Variants in EXOC2 observed in about 807,000 individuals in gnomAD.
EXOC2 encodes SEC5-like 1.
In EXOC2, 70 loss-of-function variants were observed where a neutral mutation model predicts 131.8. That is an observed-to-expected ratio of 0.53 (90% CI 0.44 to 0.65). The LOEUF (loss-of-function observed/expected upper bound fraction) is 0.65, where lower values mean the gene tolerates loss of function less well. EXOC2 is among the 30% of genes least tolerant of loss of function. The probability of loss-of-function intolerance (pLI) is 0.00; values close to 1 mark genes in which losing one functional copy is unlikely to be tolerated. For synonymous variants in EXOC2, 411 were observed against 398.4 expected, an observed-to-expected ratio of 1.03 and a Z score of -0.38; for missense variants, 923 against 1,108.6, an observed-to-expected ratio of 0.83 and a Z score of 2.38.
intron 22 of EXOC2, among the ~76,000 whole-genome samples, chr6:536,238 G>A (rs1347098391): frequency 2.6e-5 from 4 of 152,084 alleles, no homozygotes; most frequent in South Asian, 4.1e-4. Context: ...ACATCATTAC[G>A]TATTTAGAAA....
chr6:583,753 T>C (rs1041575660), intron 11 of EXOC2, among the ~76,000 whole-genome samples: 2 of 152,188 alleles, frequency 1.3e-5, no homozygotes, highest in African/African-American at 4.8e-5. Flanking sequence ...AAAGACAATT[T>C]TGAAAAACTC....
At chr6:683,823 T>C (rs1168153869) in intron 1 of EXOC2, among the ~76,000 whole-genome samples, 1 of 152,198 alleles carries the variant, frequency 6.6e-6, no homozygotes, top group African/African-American at 2.4e-5. Flanking sequence ...AGCAAAATAA[T>C]CACAGCACTC....
intron 7 of EXOC2, among the ~76,000 whole-genome samples, chr6:604,988 C>T (rs1396404529): frequency 6.6e-6 from 1 of 152,088 alleles, no homozygotes; most frequent in Admixed American, 6.5e-5. Flanking sequence ...ATTATCAAAC[C>T]ATCATTTGAT....
At chr6:503,186 G>A (rs1282116354) in intron 23 of EXOC2, among the ~76,000 whole-genome samples, 16 of 149,254 alleles carry the variant, frequency 1.1e-4, no homozygotes, top group South Asian at 6.3e-4. Flanking sequence ...TTTTATTACC[G>A]ATTGGGCTGA....
intron 3 of EXOC2, among the ~76,000 whole-genome samples, chr6:632,718 G>A (rs934979630): frequency 1.3e-5 from 2 of 152,108 alleles, no homozygotes; most frequent in South Asian, 2.1e-4. Context: ...GTTCTCATAC[G>A]ACCGTCATCC....
In EXOC2 at chr6:656,226, A is replaced by C. The variant is rs754347705; in HGVS notation, c.-43-18365T>G. 3 of 1,614,212 alleles carry C rather than the reference A, an allele frequency of 1.9e-6. No homozygotes were observed. The South Asian group carries it at 3.3e-5, about 18-fold the overall frequency. ...CGTAGGATGTATTTGCTGTCCCTCCAAAAACTGCAGAAGCTTCCGATTGTC... is the reference window on the plus strand; with the variant it reads ...CGTAGGATGTATTTGCTGTCCCTCCCAAAACTGCAGAAGCTTCCGATTGTC... On this transcript the variant is annotated intron_variant, in intron 1 of 27. Coordinates refer to ENST00000230449, the MANE Select transcript of EXOC2 (RefSeq NM_018303.6).
At chr6:687,126 C>A (rs1764691825) in intron 1 of EXOC2, among the ~76,000 whole-genome samples, 1 of 145,820 alleles carries the variant, frequency 6.9e-6, no homozygotes, top group African/African-American at 2.5e-5. Flanking sequence ...CCCAGAAAGA[C>A]AGATCACCTG....
chr6:682,553 A>G (rs1448920560), intron 1 of EXOC2, among the ~76,000 whole-genome samples: 1 of 151,992 alleles, frequency 6.6e-6, no homozygotes, highest in Non-Finnish European at 1.5e-5. Flanking sequence ...AACTATAACC[A>G]TCATTTATCA....
At chr6:507,522 T>C (rs1764634493) in intron 23 of EXOC2, among the ~76,000 whole-genome samples, 1 of 152,108 alleles carries the variant, frequency 6.6e-6, no homozygotes, top group Non-Finnish European at 1.5e-5. Context: ...TGAAATACAA[T>C]TGTTCAGGCA....
intron 1 of EXOC2, among the ~76,000 whole-genome samples, chr6:652,013 G>T (rs1450866911): frequency 6.7e-6 from 1 of 148,178 alleles, no homozygotes; most frequent in Non-Finnish European, 1.5e-5. Flanking sequence ...CCAAGATTAC[G>T]CCACTGCACT....
At chr6:525,786 G>C (rs1765702947) in intron 23 of EXOC2, among the ~76,000 whole-genome samples, 1 of 152,002 alleles carries the variant, frequency 6.6e-6, no homozygotes, top group Admixed American at 6.5e-5. Context: ...ATATGAAATA[G>C]ATACATTGTC....
At chr6:663,703 T>C (rs1051366679) in intron 1 of EXOC2, among the ~76,000 whole-genome samples, 2 of 152,124 alleles carry the variant, frequency 1.3e-5, no homozygotes, top group African/African-American at 2.4e-5. Context: ...ATCATCTCAA[T>C]AGACACAGAA....
intron 19 of EXOC2, 78 bp downstream of exon 19, chr6:555,876 C>T (rs1757391316): frequency 2.9e-6 from 4 of 1,389,736 alleles, no homozygotes; most frequent in Non-Finnish European, 3.0e-6. Context: ...ACGTCATCTG[C>T]AGATTATAAA....
rs1764524828 is a variant in EXOC2 at position 506,005 on chromosome 6, T to C, written c.2381-6305A>G. On this transcript the variant is annotated intron_variant, in intron 23 of 27. Transcript: ENST00000230449. The surrounding 1 kb of genome is among the most constrained non-coding windows in gnomAD (Gnocchi z 4.4). ...CAAGTCAGAATATATCTGCGTCATCTACTAAAAGTAAGTGCCTCGGCATAC... is the reference window on the plus strand; with the variant it reads ...CAAGTCAGAATATATCTGCGTCATCCACTAAAAGTAAGTGCCTCGGCATAC... Among the ~76,000 whole-genome samples the C allele has an allele frequency of 6.6e-6, 1 of 152,224 alleles. No homozygotes were observed. The highest frequency in any genetic ancestry group is 1.5e-5 in the Non-Finnish European group (1 of 68,042).
chr6:587,406 G>A (rs1380361288), intron 11 of EXOC2, among the ~76,000 whole-genome samples: 7 of 152,174 alleles, frequency 4.6e-5, no homozygotes, highest in South Asian at 2.1e-4. Flanking sequence ...CACCATGTCC[G>A]GCTAATTTTT....
At chr6:658,667 T>TTTTATATATATATATATATATATATA (rs1763269425) in intron 1 of EXOC2, among the ~76,000 whole-genome samples, 2 of 65,198 alleles carry the variant, frequency 3.1e-5, no homozygotes, top group South Asian at 5.1e-4. Flanking sequence ...ATATATATAT[T>TTTTATATATATATATATATATATATA]TTTTTTTTTT....
chr6:683,866 G>A (rs1347274831), intron 1 of EXOC2, among the ~76,000 whole-genome samples: 8 of 152,234 alleles, frequency 5.3e-5, no homozygotes, highest in African/African-American at 1.9e-4. Context: ...AGCCGTGAGG[G>A]ATTAAGCAGG....
Position 637,731 on chromosome 6 carries a change from T to C in EXOC2, c.88A>G (p.Asn30Asp), listed in dbSNP as rs1762168482. 1 of 1,613,668 alleles carries C rather than the reference T, an allele frequency of 6.2e-7. No homozygotes were observed. Among genetic ancestry groups the C allele is most frequent in the Non-Finnish European group, 8.5e-7 (1 of 1,179,824 alleles). ...PWTKVTIRGE[N>D]LGTGPTDLIG... ...AGGTCGGTGGGGCCAGTCCCCAGATTTTCTCCCCTGATTGTGACCTTCGTC... is the reference window on the plus strand; with the variant it reads ...AGGTCGGTGGGGCCAGTCCCCAGATCTTCTCCCCTGATTGTGACCTTCGTC... Residue 30 changes from asparagine to aspartate, a missense_variant, in exon 2 of 28, where the codon AAT becomes GAT. Physicochemically the swap from Asn to Asp is conservative, Grantham distance 23 (BLOSUM62 1). Coordinates refer to ENST00000230449, the MANE Select transcript of EXOC2 (RefSeq NM_018303.6).
In EXOC2 at chr6:550,002, T is replaced by C. The variant is rs188801782; in HGVS notation, c.2122-711A>G. On this transcript the variant is annotated intron_variant, in intron 21 of 27. Coordinates refer to ENST00000230449, the MANE Select transcript of EXOC2 (RefSeq NM_018303.6). ...TCTTACGAAAACTACCAGACACAAA[T>C]GCTGATAAACACAGTGTCCTTTCAC... 5.0e-3 allele frequency among the ~76,000 whole-genome samples: 768 copies of C among 152,350 alleles called. 10 individuals carry two copies. Among genetic ancestry groups the C allele is most frequent in the African/African-American group, 0.017 (727 of 41,588 alleles).
Sources: allele counts gnomAD v4.1 joint callset (sites outside exome capture counted in the v4.1 genomes callset), GRCh38; gene constraint gnomAD v4.1.1; non-coding constraint Gnocchi (gnomAD v3.1); transcripts MANE v1.5; gene names NCBI Gene and HGNC (gene_info 2026-07-23, HGNC 2026-07-21).